ASB4: variants seen among roughly 807,000 people sequenced by gnomAD.
ASB4 encodes the protein ankyrin repeat and SOCS box containing 4.
Under a neutral mutation model 38.6 loss-of-function variants are expected in ASB4, and 35 were observed. The observed-to-expected ratio is 0.91, with a 90% CI of 0.69 to 1.20. The LOEUF is 1.20. Ranked by LOEUF, ASB4 falls within the 50% of genes most tolerant of loss-of-function variation. The pLI, the probability that ASB4 is intolerant of heterozygous loss-of-function variation, is 0.00. For synonymous variants in ASB4, 195 were observed against 201.3 expected, an observed-to-expected ratio of 0.97 and a Z score of 0.26; for missense variants, 557 against 527.2, an observed-to-expected ratio of 1.06 and a Z score of -0.55.
At chr7:95,506,048 G>T (rs760692388) in intron 2 of ASB4, among the ~76,000 whole-genome samples, 7 of 151,838 alleles carry the variant, frequency 4.6e-5, no homozygotes, top group Non-Finnish European at 8.8e-5. Context: ...CACATGGGCC[G>T]TGCCTGGCTA....
chr7:95,514,445 T>G (rs1429754151), intron 2 of ASB4, among the ~76,000 whole-genome samples: 1 of 152,234 alleles, frequency 6.6e-6, no homozygotes, highest in African/African-American at 2.4e-5. Flanking sequence ...GAAATTTCTA[T>G]TAATTACATC....
chr7:95,547,358 T>A, the ASB4 span, among the ~76,000 whole-genome samples: 1 of 152,244 alleles, frequency 6.6e-6, no homozygotes, highest in Non-Finnish European at 1.5e-5. Flanking sequence ...TTAGGTTTAC[T>A]TGGTTTTGAA....
chr7:95,541,546 C>A (rs1300148491), downstream of ASB4, among the ~76,000 whole-genome samples: 1 of 152,128 alleles, frequency 6.6e-6, no homozygotes, highest in Non-Finnish European at 1.5e-5. Context: ...CAAGACAAAC[C>A]AGGTCCCTGA....
At chr7:95,500,750 C>G (rs1030523537) in intron 2 of ASB4, among the ~76,000 whole-genome samples, 2 of 152,140 alleles carry the variant, frequency 1.3e-5, no homozygotes, top group African/African-American at 4.8e-5. Context: ...TGGAACCTTT[C>G]AGTTATCCTG....
intron 2 of ASB4, among the ~76,000 whole-genome samples, chr7:95,502,808 A>G (rs1045755688): frequency 2.0e-4 from 30 of 152,318 alleles, no homozygotes; most frequent in African/African-American, 7.2e-4. Context: ...GAAAATATAT[A>G]GATAGGCACT....
At chr7:95,526,269 A>G (rs2116642474) in intron 2 of ASB4, among the ~76,000 whole-genome samples, 1 of 152,312 alleles carries the variant, frequency 6.6e-6, no homozygotes, top group South Asian at 2.1e-4. Flanking sequence ...AGTTGTTCTG[A>G]GAAATGGGAA....
rs748655880 is a variant in ASB4, at chr7:95,485,990, C to A, written c.19C>A (p.Pro7Thr). The change falls in exon 1 of 5, where the codon CCT becomes ACT. Residue 7 changes from proline (P) to threonine (T), a missense_variant. Transcript: ENST00000325885. ...AGGAAGGATGGACGGCACCACTGCCCCTGTCACTAAATCTGGAGCTGCCAA... is the reference window on the plus strand; with the variant it reads ...AGGAAGGATGGACGGCACCACTGCCACTGTCACTAAATCTGGAGCTGCCAA... MDGTTA[P>T]VTKSGAAKLV... 1.2e-6 allele frequency: 2 copies of A among 1,613,856 alleles called. No individual in the cohort carries two copies. The highest frequency in any genetic ancestry group is 1.1e-5 in the South Asian group (1 of 91,052).
downstream of ASB4, among the ~76,000 whole-genome samples, chr7:95,540,893 C>A (rs548540211): frequency 6.6e-6 from 1 of 152,188 alleles, no homozygotes. Flanking sequence ...AAACCATTTG[C>A]AGTGGGTTAT....
chr7:95,526,325 C>T (rs893981304), intron 2 of ASB4, among the ~76,000 whole-genome samples: 5 of 152,144 alleles, frequency 3.3e-5, no homozygotes, highest in African/African-American at 4.8e-5. Flanking sequence ...TTGTTCTGTG[C>T]GCACAATGAC....
intron 1 of ASB4, among the ~76,000 whole-genome samples, chr7:95,490,032 G>C (rs1790149423): frequency 6.6e-6 from 1 of 152,176 alleles, no homozygotes; most frequent in Admixed American, 6.5e-5. Context: ...TCCCTAGTCA[G>C]CAAGGTTAAT....
Position 95,494,087 on chromosome 7 carries a change from T to C in ASB4, c.188-1671T>C, listed in dbSNP as rs116848537. Among the ~76,000 whole-genome samples, 606 of 152,340 alleles carry C rather than the reference T, an allele frequency of 4.0e-3. 2 individuals carry two copies. Among genetic ancestry groups the C allele is most frequent in the Non-Finnish European group, 6.4e-3 (437 of 68,032 alleles). Reference sequence around the variant, plus strand: ...GGAGTTGTGCAATACAGTGGTCCTTTAGGACATTTCACATGGGTGTTTATG... The same window carrying C: ...GGAGTTGTGCAATACAGTGGTCCTTCAGGACATTTCACATGGGTGTTTATG... On this transcript the variant is annotated intron_variant, in intron 1 of 4. Coordinates refer to ENST00000325885, the MANE Select transcript of ASB4 (RefSeq NM_016116.3).
chr7:95,537,190 G>C (rs184512548), intron 4 of ASB4, among the ~76,000 whole-genome samples: 28 of 152,270 alleles, frequency 1.8e-4, no homozygotes, highest in Middle Eastern at 6.8e-3. Context: ...CTTATTGGCT[G>C]TGTTACTTTT....
At chr7:95,545,661 G>A in the ASB4 span, among the ~76,000 whole-genome samples, 1 of 152,104 alleles carries the variant, frequency 6.6e-6, no homozygotes, top group African/African-American at 2.4e-5. Context: ...CTCAGTGTGA[G>A]CATGTACTTA....
At chr7:95,500,889 T>TGCAGCCTCCCACTTAGGAGG (rs1293904396) in intron 2 of ASB4, among the ~76,000 whole-genome samples, 1 of 152,196 alleles carries the variant, frequency 6.6e-6, no homozygotes, top group Non-Finnish European at 1.5e-5. Flanking sequence ...TCTTCGCTTT[T>TGCAGCCTCCCACTTAGGAGG]GCAGCCTCCC....
At chr7:95,483,009 G>A (rs888341855), upstream of ASB4, among the ~76,000 whole-genome samples, 2 of 152,202 alleles carry the variant, frequency 1.3e-5, no homozygotes, top group Non-Finnish European at 2.9e-5. Flanking sequence ...GCCCTAAGAA[G>A]ATGGCACAAT....
At chr7:95,550,964 T>C in the ASB4 span, among the ~76,000 whole-genome samples, 1 of 152,164 alleles carries the variant, frequency 6.6e-6, no homozygotes, top group Non-Finnish European at 1.5e-5. Context: ...TTTTCCTCTA[T>C]AATAATACTG....
intron 3 of ASB4, among the ~76,000 whole-genome samples, chr7:95,532,182 T>C (rs1790827882): frequency 6.6e-6 from 1 of 152,222 alleles, no homozygotes; most frequent in South Asian, 2.1e-4. Flanking sequence ...GACTGACTCA[T>C]TTATCCAGAA....
At chr7:95,503,005 G>T (rs912328577) in intron 2 of ASB4, among the ~76,000 whole-genome samples, 4 of 152,146 alleles carry the variant, frequency 2.6e-5, no homozygotes, top group East Asian at 3.8e-4. Flanking sequence ...ACATGGGAAG[G>T]TTGTAAAAAG....
In ASB4 at chr7:95,496,004, A is replaced by G. The variant is rs763421536; in HGVS notation, c.434A>G (p.His145Arg). ...CYSLSGHTAL[H>R]FCTTPSSILC... Reference sequence around the variant, plus strand: ...TCCTTAAGTGGACACACAGCTTTGCACTTTTGTACAACTCCAAGTTCCATT... The same window carrying G: ...TCCTTAAGTGGACACACAGCTTTGCGCTTTTGTACAACTCCAAGTTCCATT... The change falls in exon 2 of 5, where the codon CAC becomes CGC. Residue 145 changes from histidine to arginine, a missense_variant. Coordinates refer to ENST00000325885, the MANE Select transcript of ASB4 (RefSeq NM_016116.3). 6.2e-6 allele frequency: 10 copies of G among 1,613,846 alleles called. No homozygotes were observed. The Admixed American group carries it at 1.2e-4, about 19-fold the overall frequency.
Sources: gnomAD v4.1 joint callset for allele counts (sites outside exome capture counted in the v4.1 genomes callset) on GRCh38, gnomAD v4.1.1 for gene constraint, MANE v1.5 for transcripts, NCBI Gene and HGNC (gene_info 2026-07-23, HGNC 2026-07-21) for gene names.